KCNMA1: variants seen among roughly 807,000 people sequenced by gnomAD.
KCNMA1 encodes potassium calcium-activated channel subfamily M alpha 1.
Under a neutral mutation model 140.0 loss-of-function variants are expected in KCNMA1, and 29 were observed. That is an observed-to-expected ratio of 0.21 (90% CI 0.15 to 0.28). The LOEUF is 0.28. Ranked by LOEUF, KCNMA1 falls within the 10% of genes least tolerant of loss-of-function variation. The pLI, the probability that KCNMA1 is intolerant of heterozygous loss-of-function variation, is 1.00. For synonymous variants in KCNMA1, 612 were observed against 611.9 expected, an observed-to-expected ratio of 1.00 and a Z score of 0.00; for missense variants, 880 against 1,602.2, an observed-to-expected ratio of 0.55 and a Z score of 7.70.
intron 1 of KCNMA1, among the ~76,000 whole-genome samples, chr10:77,488,667 GCA>G (rs2098491891): frequency 6.6e-6 from 1 of 152,116 alleles, no homozygotes; most frequent in South Asian, 2.1e-4. Context: ...GGCCCCTGGG[GCA>G]GGCCCAGAGC....
chr10:77,574,778 G>C (rs1324172508), intron 1 of KCNMA1, among the ~76,000 whole-genome samples: 2 of 152,250 alleles, frequency 1.3e-5, no homozygotes, highest in African/African-American at 2.4e-5. Context: ...GTCATACTTT[G>C]AATGGTGCAC....
At chr10:77,064,310 T>C (rs1247763) in intron 14 of KCNMA1, among the ~76,000 whole-genome samples, 19,022 of 152,200 alleles carry the variant, frequency 0.12, 1,517 homozygotes, top group East Asian at 0.29. Context: ...GTACATTTGC[T>C]TTTGATTCAC....
chr10:77,633,246 C>T (rs548383588), intron 1 of KCNMA1, among the ~76,000 whole-genome samples: 101 of 152,078 alleles, frequency 6.6e-4, no homozygotes, highest in Non-Finnish European at 1.0e-3. Flanking sequence ...ACCCAGGAGG[C>T]GCAGGCTGCA....
intron 1 of KCNMA1, among the ~76,000 whole-genome samples, chr10:77,599,500 AAG>A (rs1251636821): frequency 1.3e-5 from 2 of 152,142 alleles, no homozygotes; most frequent in Non-Finnish European, 2.9e-5. Context: ...AAGGTTGAAT[AAG>A]AGAGGTGATA....
chr10:76,941,252 T>C (rs1291023231), intron 23 of KCNMA1, among the ~76,000 whole-genome samples: 1 of 152,062 alleles, frequency 6.6e-6, no homozygotes, highest in African/African-American at 2.4e-5. Context: ...AAATCCTTTT[T>C]GTTCCCCATA....
In KCNMA1 at chr10:76,885,221, A is replaced by AAC; in HGVS notation, c.*2044_*2045insGT. 3 of 536,902 alleles carry AAC rather than the reference A, an allele frequency of 5.6e-6. No individual in the cohort carries two copies. Among genetic ancestry groups the AAC allele is most frequent in the Non-Finnish European group, 7.2e-6 (3 of 418,986 alleles). 33.3% of individuals were successfully genotyped at this position (536,902 alleles called of 1,614,324 possible). On this transcript the variant is annotated 3_prime_UTR_variant, in exon 28 of 28. Transcript: ENST00000286628. The stretch of plus-strand genomic sequence containing the variant: ...TATATATAGTTATATATATAGTTAT[A>AAC]TATATATAATTATATAGTTATATAT...
At chr10:77,375,979 C>G (rs568810870) in intron 2 of KCNMA1, among the ~76,000 whole-genome samples, 2 of 152,190 alleles carry the variant, frequency 1.3e-5, no homozygotes, top group African/African-American at 4.8e-5. Context: ...CACTCAACTT[C>G]GTGTCAGAGC....
intron 17 of KCNMA1, among the ~76,000 whole-genome samples, chr10:77,015,663 T>A (rs1174489349): frequency 6.6e-6 from 1 of 152,142 alleles, no homozygotes; most frequent in African/African-American, 2.4e-5. Flanking sequence ...ATAGAATGCT[T>A]AACTTCCTAC....
chr10:76,926,078 T>C (rs1361413021), intron 23 of KCNMA1, among the ~76,000 whole-genome samples: 2 of 152,186 alleles, frequency 1.3e-5, no homozygotes, highest in Non-Finnish European at 1.5e-5. Flanking sequence ...GGCAGATGAA[T>C]AGGAAACTGG....
At chr10:77,043,676 TCTGAC>T (rs2094866138) in intron 14 of KCNMA1, among the ~76,000 whole-genome samples, 2 of 152,288 alleles carry the variant, frequency 1.3e-5, no homozygotes, top group African/African-American at 4.8e-5. Context: ...AGAAGAAAAC[TCTGAC>T]ACATGCTACA....
chr10:77,431,715 A>AG (rs2097157768), intron 1 of KCNMA1, among the ~76,000 whole-genome samples: 1 of 133,994 alleles, frequency 7.5e-6, no homozygotes, highest in Non-Finnish European at 1.6e-5. Context: ...AAAAAAAAAA[A>AG]GGCCGGGAGC....
chr10:77,217,334 AC>A, intron 3 of KCNMA1: 2 of 300,200 alleles, frequency 6.7e-6, no homozygotes, highest in Non-Finnish European at 6.7e-6. Flanking sequence ...ACAAAAAAAA[AC>A]TAAATTTTTT....
intron 1 of KCNMA1, among the ~76,000 whole-genome samples, chr10:77,625,882 A>G (rs2092436321): frequency 6.6e-6 from 1 of 152,158 alleles, no homozygotes; most frequent in South Asian, 2.1e-4. Context: ...GAATTGCTGG[A>G]TTATATGATA....
At chr10:77,520,741 C>T (rs536347111) in intron 1 of KCNMA1, among the ~76,000 whole-genome samples, 2 of 152,212 alleles carry the variant, frequency 1.3e-5, no homozygotes, top group Admixed American at 6.5e-5. Context: ...CAAGCCTGCT[C>T]CCTCATCCTC....
chr10:77,263,369 A>G (rs1365588092), intron 2 of KCNMA1, among the ~76,000 whole-genome samples: 1 of 152,184 alleles, frequency 6.6e-6, no homozygotes, highest in East Asian at 1.9e-4. Context: ...AACTGTAGCT[A>G]AAGTCCAAGA....
intron 2 of KCNMA1, chr10:77,376,432 T>C (rs972746106): frequency 2.0e-5 from 3 of 151,128 alleles, no homozygotes; most frequent in African/African-American, 4.9e-5. Flanking sequence ...ATCCCAGGAG[T>C]CACAGAAGGC....
At chr10:77,387,067 G>A (rs2095628392) in intron 2 of KCNMA1, among the ~76,000 whole-genome samples, 1 of 152,218 alleles carries the variant, frequency 6.6e-6, no homozygotes, top group South Asian at 2.1e-4. Flanking sequence ...TGCAGTGGGA[G>A]GGCTGTGATC....
intron 2 of KCNMA1, among the ~76,000 whole-genome samples, chr10:77,285,507 G>C (rs1268602015): frequency 6.6e-6 from 1 of 152,276 alleles, no homozygotes; most frequent in African/African-American, 2.4e-5. Context: ...ACTGAAACAG[G>C]TGAAAATTAA....
chr10:76,968,731 T>TGGGTGAAGC (rs1565256909), intron 20 of KCNMA1, among the ~76,000 whole-genome samples: 1 of 152,092 alleles, frequency 6.6e-6, no homozygotes, highest in African/African-American at 2.4e-5. Context: ...CTGGGTGAAG[T>TGGGTGAAGC]GGAAGGCAGA....
Sources: gnomAD v4.1 joint callset for allele counts (sites outside exome capture counted in the v4.1 genomes callset) on GRCh38, gnomAD v4.1.1 for gene constraint, MANE v1.5 for transcripts, NCBI Gene and HGNC (gene_info 2026-07-23, HGNC 2026-07-21) for gene names.